The following PDE4DIP variants were observed in gnomAD, a reference collection of about 807,000 sequenced individuals.
PDE4DIP encodes myomegalin.
PDE4DIP carries 59 observed loss-of-function variants against 221.4 expected under a neutral mutation model. The observed-to-expected ratio is 0.27, with a 90% confidence interval of 0.22 to 0.33. PDE4DIP has a LOEUF of 0.33. Among genes scored for constraint, PDE4DIP ranks in the 10% least tolerant of loss-of-function variants. The pLI, the probability that PDE4DIP is intolerant of heterozygous loss-of-function variation, is 1.00. For missense variants in PDE4DIP, 1,036 were observed against 2,154.2 expected (o/e 0.48, Z 10.28); for synonymous variants, 404 against 815.9 (o/e 0.50, Z 8.60).
rs1279704365 is a variant in PDE4DIP at position 148,996,653 on chromosome 1, G to A, written c.2905-1490G>A. 3.3e-5 allele frequency among the ~76,000 whole-genome samples: 5 copies of A among 152,168 alleles called. No individual in the cohort carries two copies. The East Asian group carries it at 7.7e-4, about 24-fold the overall frequency. Reference sequence around the variant, plus strand: ...CCATTGCACATGCATACTGTGAATCGACCCTACCACAAACCTGTGACCTAC... The same window carrying A: ...CCATTGCACATGCATACTGTGAATCAACCCTACCACAAACCTGTGACCTAC... On this transcript the variant is annotated intron_variant, in intron 22 of 43. Transcript: ENST00000369354.
exon 34 of PDE4DIP, chr1:149,017,834 C>T (rs370147814): frequency 1.2e-5 from 20 of 1,613,416 alleles, no homozygotes; most frequent in African/African-American, 2.7e-5. Context: ...TGACCGCCTA[C>T]GGGAGCAACT....
At chr1:148,824,175 G>A in intron 1 of PDE4DIP, among the ~76,000 whole-genome samples, 1 of 144,996 alleles carries the variant, frequency 6.9e-6, no homozygotes, top group Non-Finnish European at 1.5e-5. Context: ...GGTTAGAATT[G>A]CCTCAAGTTC....
Position 149,012,673 on chromosome 1 carries a change from C to T in PDE4DIP, c.5163C>T (p.Phe1721=), listed in dbSNP as rs782378335. Reference sequence around the variant, plus strand: ...CAGCTCCATCCAGCTTCCTGCCTTTCAGCCCCACTGGCCCTCTCCTCCTTG... The same window carrying T: ...CAGCTCCATCCAGCTTCCTGCCTTTTAGCCCCACTGGCCCTCTCCTCCTTG... Residue 1721 remains phenylalanine, a synonymous_variant, in exon 32 of 44, where the codon TTC becomes TTT. Coordinates refer to ENST00000369354, the Ensembl canonical transcript of PDE4DIP. 4 of 1,613,572 alleles carry T rather than the reference C, an allele frequency of 2.5e-6. No individual in the cohort carries two copies. In the South Asian group the frequency reaches 4.4e-5, roughly 18 times the overall value.
At chr1:148,820,532 A>C (rs1219643757) in intron 1 of PDE4DIP, among the ~76,000 whole-genome samples, 2 of 133,958 alleles carry the variant, frequency 1.5e-5, no homozygotes, top group Non-Finnish European at 3.1e-5. Flanking sequence ...GCGCCACTGC[A>C]CTCCAGCCTG....
At chr1:149,009,670 C>T in exon 30 of PDE4DIP, 1 of 1,614,180 alleles carries the variant, frequency 6.2e-7, no homozygotes, top group Non-Finnish European at 8.5e-7. Flanking sequence ...CCTTGTCTGA[C>T]TCCCACCGCT....
At chr1:148,979,771 G>A (rs782093378) in exon 20 of PDE4DIP, 11 of 1,613,298 alleles carry the variant, frequency 6.8e-6, no homozygotes, top group East Asian at 6.7e-5. Flanking sequence ...GTAGATGAAC[G>A]GAGTCGGCTC....
chr1:148,984,508 CT>C (rs1553547161), intron 21 of PDE4DIP: 1 of 152,040 alleles, frequency 6.6e-6, no homozygotes, highest in African/African-American at 2.4e-5. Flanking sequence ...CATAAGTAAA[CT>C]CTGTGGCCGA....
chr1:149,009,451 A>T (rs587629846), intron 29 of PDE4DIP, 117 bp from the exon 33 acceptor site: 1 of 643,188 alleles, frequency 1.6e-6, no homozygotes, highest in Non-Finnish European at 2.8e-6. Flanking sequence ...GGTTATTTCC[A>T]TAATTATCTG....
At chr1:148,821,002 A>G (rs1669051829) in intron 1 of PDE4DIP, among the ~76,000 whole-genome samples, 1 of 150,146 alleles carries the variant, frequency 6.7e-6, no homozygotes. Context: ...CAGGCACCCA[A>G]TACCTCGCCC....
chr1:148,932,769 C>T, intron 4 of PDE4DIP: 1 of 282,220 alleles, frequency 3.5e-6, no homozygotes, highest in Non-Finnish European at 6.9e-6. Context: ...CCTCCCTCCC[C>T]CACCAGTTTA....
chr1:148,989,692 A>G (rs199738935), intron 21 of PDE4DIP, among the ~76,000 whole-genome samples: 3 of 152,166 alleles, frequency 2.0e-5, no homozygotes, highest in Admixed American at 6.5e-5. Context: ...CATGTTCAAA[A>G]GAGAAACAAT....
At chr1:148,989,956 G>T (rs1401958184) in intron 21 of PDE4DIP, among the ~76,000 whole-genome samples, 8 of 152,160 alleles carry the variant, frequency 5.3e-5, no homozygotes, top group East Asian at 3.9e-4. Context: ...TGGTTTGAAT[G>T]AGTAAGTATT....
In PDE4DIP at chr1:149,010,615, G is replaced by T; in HGVS notation, c.5080+20G>T. 1 of 1,611,678 alleles carries T rather than the reference G, an allele frequency of 6.2e-7. No homozygotes were observed. The highest frequency in any genetic ancestry group is 1.3e-5 in the African/African-American group (1 of 74,944). On this transcript the variant is annotated intron_variant, in intron 31 of 43. Transcript: ENST00000369354. ...ATTCAGGTATGCAACAGCCAATGGG[G>T]CAGAAGCTTCATCTCCTCTTTCTCT...
At chr1:148,922,937 G>A (rs1161103963) in intron 1 of PDE4DIP, among the ~76,000 whole-genome samples, 1 of 139,704 alleles carries the variant, frequency 7.2e-6, no homozygotes, top group Non-Finnish European at 1.5e-5. Context: ...CCCAGCTGGA[G>A]TAGATTTTTT....
intron 40 of PDE4DIP, 37 bp from the exon 44 acceptor site, chr1:149,028,523 G>A: frequency 1.9e-6 from 3 of 1,592,704 alleles, no homozygotes; most frequent in Non-Finnish European, 2.6e-6. Context: ...GGGGAAGAAA[G>A]TAATCTCTCC....
intron 1 of PDE4DIP, among the ~76,000 whole-genome samples, chr1:148,834,343 T>C (rs2442659): frequency 9.5e-6 from 1 of 104,968 alleles, no homozygotes; most frequent in Non-Finnish European, 2.2e-5. Flanking sequence ...GCATGTGAGA[T>C]GGGTTTCCTG....
In PDE4DIP at chr1:148,932,570, C is replaced by T. The variant is rs200466737; in HGVS notation, c.518+282C>T. The T allele has an allele frequency of 1.8e-3, 1,647 of 899,836 alleles. 4 individuals carry two copies. In the East Asian group the frequency reaches 0.04, roughly 22 times the overall value. The allele number at this position is 899,836 out of a possible 1,614,324, so 55.7% of individuals were successfully genotyped here. Reference sequence around the variant, plus strand: ...GGCATGCCACATGCCAGATACCGGGCTAAGTATCTGGCATGTGTTACAGAA... The same window carrying T: ...GGCATGCCACATGCCAGATACCGGGTTAAGTATCTGGCATGTGTTACAGAA... On this transcript the variant is annotated intron_variant, in intron 4 of 43. Transcript: ENST00000369354.
chr1:149,022,700 C>G (rs1372575769), intron 37 of PDE4DIP, among the ~76,000 whole-genome samples: 2 of 150,852 alleles, frequency 1.3e-5, no homozygotes, highest in Non-Finnish European at 3.0e-5. Context: ...CTTGAAAGCT[C>G]ACAGGTCAGG....
intron 22 of PDE4DIP, among the ~76,000 whole-genome samples, chr1:148,995,894 A>T (rs2064103450): frequency 6.7e-6 from 1 of 150,302 alleles, no homozygotes; most frequent in African/African-American, 2.4e-5. Flanking sequence ...AAAATAAAAA[A>T]AGAAATAAAA....
Sources: allele counts gnomAD v4.1 joint callset (sites outside exome capture counted in the v4.1 genomes callset), GRCh38; gene constraint gnomAD v4.1.1; transcripts MANE v1.5; gene names NCBI Gene and HGNC (gene_info 2026-07-23, HGNC 2026-07-21).